Variants in ELAVL2 observed in about 807,000 individuals in gnomAD.
ELAVL2 encodes ELAV like RNA binding protein 2, also known as ELAV-like protein 2.
Under a neutral mutation model 34.6 loss-of-function variants are expected in ELAVL2, and 4 were observed. That is an observed-to-expected ratio of 0.12 (90% confidence interval 0.06 to 0.26). ELAVL2 has a LOEUF of 0.26. Ranked by LOEUF, ELAVL2 falls within the 10% of genes least tolerant of loss-of-function variation. The probability of loss-of-function intolerance (pLI) is 1.00; values close to 1 mark genes in which losing one functional copy is unlikely to be tolerated. For missense variants in ELAVL2, 432 were observed against 442.8 expected, an observed-to-expected ratio of 0.98 and a Z score of 0.22; for synonymous variants, 193 against 154.8, an observed-to-expected ratio of 1.25 and a Z score of -1.83.
intron 1 of ELAVL2, among the ~76,000 whole-genome samples, chr9:23,807,865 G>A (rs746338883): frequency 6.6e-6 from 1 of 152,148 alleles, no homozygotes; most frequent in Non-Finnish European, 1.5e-5. Context: ...AAAGCCATGG[G>A]TAAAGAGAAT....
At chr9:23,727,481 C>T (rs1419159094) in intron 3 of ELAVL2, among the ~76,000 whole-genome samples, 1 of 152,032 alleles carries the variant, frequency 6.6e-6, no homozygotes, top group African/African-American at 2.4e-5. Context: ...AGGTAAAATG[C>T]TAGAAGACAA....
intron 1 of ELAVL2, chr9:23,764,928 C>G (rs2055893754): frequency 7.5e-7 from 1 of 1,327,362 alleles, no homozygotes; most frequent in African/African-American, 1.5e-5. Context: ...ATGAAAGATT[C>G]AAGTGTTTGG....
intron 1 of ELAVL2, among the ~76,000 whole-genome samples, chr9:23,805,416 C>T (rs747709710): frequency 6.6e-6 from 1 of 152,192 alleles, no homozygotes; most frequent in Admixed American, 6.5e-5. Context: ...CACAACCCTG[C>T]TGCTGATAAA....
intron 2 of ELAVL2, among the ~76,000 whole-genome samples, chr9:23,758,389 G>GA (rs994821375): frequency 6.0e-5 from 9 of 150,896 alleles, no homozygotes; most frequent in South Asian, 2.1e-4. Flanking sequence ...AAGAAACTCA[G>GA]AAAAAAAAAT....
At chr9:23,756,031 T>C (rs530201273) in intron 2 of ELAVL2, among the ~76,000 whole-genome samples, 115 of 152,308 alleles carry the variant, frequency 7.6e-4, no homozygotes, top group South Asian at 1.9e-3. Context: ...CCCATTAGTC[T>C]AATAAAATAC....
At chr9:23,721,154 T>C (rs1564075445) in intron 3 of ELAVL2, among the ~76,000 whole-genome samples, 1 of 152,172 alleles carries the variant, frequency 6.6e-6, no homozygotes, top group Non-Finnish European at 1.5e-5. Context: ...CATTTAGGAA[T>C]ATAAATCACC....
intron 2 of ELAVL2, among the ~76,000 whole-genome samples, chr9:23,743,398 C>G (rs530191687): frequency 6.6e-6 from 1 of 152,090 alleles, no homozygotes; most frequent in African/African-American, 2.4e-5. Context: ...TTAAAATTCA[C>G]GGATACTTTG....
chr9:23,711,631 C>A (rs1376418376), intron 3 of ELAVL2, among the ~76,000 whole-genome samples: 1 of 152,190 alleles, frequency 6.6e-6, no homozygotes, highest in African/African-American at 2.4e-5. Flanking sequence ...AAAGTCAACA[C>A]TAATCAGTCC....
intron 1 of ELAVL2, among the ~76,000 whole-genome samples, chr9:23,764,019 G>A (rs1564351559): frequency 6.6e-6 from 1 of 152,118 alleles, no homozygotes; most frequent in Non-Finnish European, 1.5e-5. Context: ...AAATCTATTT[G>A]AATTTGAAAA....
intron 2 of ELAVL2, among the ~76,000 whole-genome samples, chr9:23,735,963 C>T (rs370741527): frequency 6.6e-6 from 1 of 152,172 alleles, no homozygotes; most frequent in Admixed American, 6.5e-5. Flanking sequence ...ATATCCCAAA[C>T]TGTGTGTAAT....
At chr9:23,705,110 C>CA in intron 3 of ELAVL2, 39 bp from the exon 4 acceptor site, 1 of 1,609,732 alleles carries the variant, frequency 6.2e-7, no homozygotes, top group South Asian at 1.1e-5. Flanking sequence ...TATGCATGCT[C>CA]ACTCACCCAC....
intron 5 of ELAVL2, among the ~76,000 whole-genome samples, chr9:23,699,605 C>T (rs559199978): frequency 1.3e-5 from 2 of 152,154 alleles, no homozygotes; most frequent in African/African-American, 4.8e-5. Context: ...TTCCTTCAGG[C>T]TTGTTCATCC....
intron 3 of ELAVL2, among the ~76,000 whole-genome samples, chr9:23,705,952 G>A (rs1235340576): frequency 6.6e-6 from 1 of 152,044 alleles, no homozygotes; most frequent in Non-Finnish European, 1.5e-5. Context: ...ACATCTGTGT[G>A]GGTGGTAGTG....
At chr9:23,840,561 TTTATACTTTGTG>T in the ELAVL2 span, among the ~76,000 whole-genome samples, 6 of 152,168 alleles carry the variant, frequency 3.9e-5, no homozygotes, top group African/African-American at 1.4e-4. Flanking sequence ...AATTGCCAAT[TTTATACTTTGTG>T]TTATACTGAA....
rs367599469 is a variant in ELAVL2 at position 23,821,756 on chromosome 9, CCCGCGCCGCG to C, written c.-16+4040_-16+4049del. The C allele has an allele frequency of 4.2e-3, 636 of 151,132 alleles. 2 individuals carry two copies. Among genetic ancestry groups the C allele is most frequent in the East Asian group, 0.03 (153 of 5,040 alleles). 9.4% of individuals were successfully genotyped at this position (151,132 alleles called of 1,614,324 possible). On this transcript the variant is annotated intron_variant, in intron 1 of 6. Coordinates refer to ENST00000397312, the MANE Select transcript of ELAVL2 (RefSeq NM_004432.5). ...GGAAGCCGGCGGAACCCCCGCCCCA[CCCGCGCCGCG>C]CCGCGCCGCGCCGGCAACCGCCCTC...
At chr9:23,826,689 C>T (rs1158549325), upstream of ELAVL2, among the ~76,000 whole-genome samples, 7 of 152,204 alleles carry the variant, frequency 4.6e-5, no homozygotes, top group Admixed American at 4.6e-4. Flanking sequence ...AGATTCATTT[C>T]CTTTGCCATC....
At chr9:23,848,071 T>C in the ELAVL2 span, among the ~76,000 whole-genome samples, 1 of 152,072 alleles carries the variant, frequency 6.6e-6, no homozygotes, top group Non-Finnish European at 1.5e-5. Flanking sequence ...TAAATATCTA[T>C]ACCTCAGTAG....
chr9:23,797,665 C>G (rs1246949357), intron 1 of ELAVL2, among the ~76,000 whole-genome samples: 1 of 152,130 alleles, frequency 6.6e-6, no homozygotes, highest in Non-Finnish European at 1.5e-5. Context: ...TGGTGGCTTA[C>G]GCCTGTAATC....
intron 1 of ELAVL2, among the ~76,000 whole-genome samples, chr9:23,795,805 C>T (rs765348749): frequency 6.6e-6 from 1 of 152,144 alleles, no homozygotes; most frequent in Non-Finnish European, 1.5e-5. Flanking sequence ...CAATGTGTCT[C>T]CTCCCTGAAA....
Sources: allele counts gnomAD v4.1 joint callset (sites outside exome capture counted in the v4.1 genomes callset), GRCh38; gene constraint gnomAD v4.1.1; transcripts MANE v1.5; gene names NCBI Gene and HGNC (gene_info 2026-07-23, HGNC 2026-07-21).